Variants in HECW1 observed in about 807,000 individuals in gnomAD.
HECW1 encodes E3 ubiquitin-protein ligase HECW1.
HECW1 carries 61 observed loss-of-function variants against 182.3 expected under a neutral mutation model. The observed-to-expected ratio is 0.33, with a 90% CI of 0.27 to 0.41. The LOEUF is 0.41. HECW1 is among the 10% of genes least tolerant of loss of function. The pLI, the probability that HECW1 is intolerant of heterozygous loss-of-function variation, is 1.00. For synonymous variants in HECW1, 859 were observed against 832.6 expected, an observed-to-expected ratio of 1.03 and a Z score of -0.55; for missense variants, 1,739 against 2,108.9, an observed-to-expected ratio of 0.82 and a Z score of 3.44.
At chr7:43,479,262 C>T (rs1288854605) in intron 16 of HECW1, among the ~76,000 whole-genome samples, 1 of 152,126 alleles carries the variant, frequency 6.6e-6, no homozygotes. Context: ...GACAGATCAT[C>T]AGGCATTAGA....
chr7:43,207,032 C>T (rs901594821), intron 2 of HECW1, among the ~76,000 whole-genome samples: 4 of 152,050 alleles, frequency 2.6e-5, no homozygotes, highest in Non-Finnish European at 5.9e-5. Flanking sequence ...GCCTAATTGC[C>T]ATTACCTTTT....
intron 17 of HECW1, among the ~76,000 whole-genome samples, chr7:43,491,680 C>T (rs917701364): frequency 5.3e-5 from 8 of 152,280 alleles, no homozygotes; most frequent in East Asian, 1.9e-4. Flanking sequence ...GCAACCCCTA[C>T]CTCCCAGGTT....
At chr7:43,521,241 G>GT (rs2080459252) in intron 24 of HECW1, among the ~76,000 whole-genome samples, 1 of 152,200 alleles carries the variant, frequency 6.6e-6, no homozygotes, top group Non-Finnish European at 1.5e-5. Flanking sequence ...ATGAATGGGA[G>GT]TAAGGCCCTT....
At chr7:43,535,564 GA>G (rs1180675270) in intron 24 of HECW1, among the ~76,000 whole-genome samples, 1 of 152,160 alleles carries the variant, frequency 6.6e-6, no homozygotes, top group Admixed American at 6.5e-5. Context: ...GAAGGATAAG[GA>G]TGAAAAACAT....
chr7:43,447,685 G>T (rs977550753), intron 11 of HECW1, among the ~76,000 whole-genome samples: 1 of 152,214 alleles, frequency 6.6e-6, no homozygotes, highest in African/African-American at 2.4e-5. Flanking sequence ...CTTGCCACCA[G>T]GCTTCACAAC....
chr7:43,263,873 CTTAATT>C (rs761874579), intron 3 of HECW1, among the ~76,000 whole-genome samples: 1 of 152,118 alleles, frequency 6.6e-6, no homozygotes, highest in Non-Finnish European at 1.5e-5. Context: ...CTCCTTACCT[CTTAATT>C]TTATTATTTA....
At chr7:43,240,992 GGCTGTGTATA>G (rs1798826685) in intron 2 of HECW1, 1 of 152,328 alleles carries the variant, frequency 6.6e-6, no homozygotes, top group Non-Finnish European at 1.5e-5. Context: ...CAGAGGAACT[GGCTGTGTATA>G]GCTGTGTGTA....
chr7:43,380,894 G>A (rs916962438), intron 6 of HECW1, among the ~76,000 whole-genome samples: 1 of 152,194 alleles, frequency 6.6e-6, no homozygotes, highest in Non-Finnish European at 1.5e-5. Context: ...TTATGCATAT[G>A]ATAATTTTTA....
chr7:43,326,928 A>G (rs938326020), intron 5 of HECW1, among the ~76,000 whole-genome samples: 5 of 152,232 alleles, frequency 3.3e-5, no homozygotes, highest in Admixed American at 1.3e-4. Context: ...CACCAAGACT[A>G]GACACAGGGG....
At chr7:43,383,210 C>A (rs1259153049) in intron 6 of HECW1, among the ~76,000 whole-genome samples, 1 of 152,156 alleles carries the variant, frequency 6.6e-6, no homozygotes, top group African/African-American at 2.4e-5. Context: ...GGTTCCAAGT[C>A]TTTGCTATTG....
intron 7 of HECW1, among the ~76,000 whole-genome samples, chr7:43,401,414 A>C (rs973155768): frequency 1.3e-5 from 2 of 152,204 alleles, no homozygotes; most frequent in Non-Finnish European, 2.9e-5. Context: ...TTTGATGAAG[A>C]AATCAGAACA....
In HECW1 at chr7:43,381,758, A is replaced by G. The variant is rs1254876093; in HGVS notation, c.556-15056A>G. ...AGGCTGGTCGCAAACTCTCGACCTC[A>G]GGTGATCTGCCTGCCTTGGCCTCAC... On this transcript the variant is annotated intron_variant, in intron 6 of 29. Coordinates refer to ENST00000395891, the MANE Select transcript of HECW1 (RefSeq NM_015052.5). 2.0e-5 allele frequency among the ~76,000 whole-genome samples: 3 copies of G among 152,120 alleles called. No individual in the cohort carries two copies. In the East Asian group the frequency reaches 5.8e-4, roughly 29 times the overall value.
chr7:43,115,735 C>T (rs1784991780), intron 2 of HECW1, among the ~76,000 whole-genome samples: 2 of 152,198 alleles, frequency 1.3e-5, no homozygotes, highest in African/African-American at 4.8e-5. Context: ...GTTGTGCACT[C>T]ATTTGTTTTA....
At chr7:43,334,559 C>G (rs567044430) in intron 5 of HECW1, among the ~76,000 whole-genome samples, 1 of 152,304 alleles carries the variant, frequency 6.6e-6, no homozygotes, top group African/African-American at 2.4e-5. Context: ...TCTCTCTAAG[C>G]AAAACCAGAG....
intron 5 of HECW1, among the ~76,000 whole-genome samples, chr7:43,360,011 A>G (rs1318118994): frequency 6.6e-6 from 1 of 152,198 alleles, no homozygotes. Context: ...TCATCACATC[A>G]TCACAATCAC....
In HECW1 at chr7:43,147,274, C is replaced by T. The variant is rs1454178001; in HGVS notation, c.-32+32883C>T. ...TTTTTTAACAGCACTCCAGGCTAAG[C>T]ATCTTGCATTACAGTAAATAATTGA... On this transcript the variant is annotated intron_variant, in intron 2 of 29. Transcript: ENST00000395891. Among the ~76,000 whole-genome samples, 32 of 151,792 alleles carry T rather than the reference C, an allele frequency of 2.1e-4. 1 individual carries two copies. Among genetic ancestry groups the T allele is most frequent in the Non-Finnish European group, 4.4e-5 (3 of 67,982 alleles).
At position 43,554,575 on chromosome 7, in the gene HECW1, C is replaced by T; in HGVS notation, c.4511-17C>T. 2 of 1,605,318 alleles carry T rather than the reference C, an allele frequency of 1.2e-6. No individual in the cohort carries two copies. The highest frequency in any genetic ancestry group is 1.7e-6 in the Non-Finnish European group (2 of 1,174,514). Reference sequence around the variant, plus strand: ...TTCTCCACATCCTGTCTTCCTCCCTCCCTTTGCCTCGTGCAGGTTACCACG... The same window carrying T: ...TTCTCCACATCCTGTCTTCCTCCCTTCCTTTGCCTCGTGCAGGTTACCACG... On this transcript the variant is annotated splice_polypyrimidine_tract_variant and intron_variant, in intron 28 of 29. Transcript: ENST00000395891.
rs1554410947 is a variant in HECW1 at position 43,430,779 on chromosome 7, T to TTTATTATTGTTATTATTATTA, written c.802-7216_802-7215insGTTATTATTATTATTATTATT. On this transcript the variant is annotated intron_variant, in intron 8 of 29. Transcript: ENST00000395891. ...ACTGTGGCCTCCATTTTTATTTTTCTTTATTATTATTATTATTATTGAGAT... is the reference window on the plus strand; with the variant it reads ...ACTGTGGCCTCCATTTTTATTTTTCTTTATTATTGTTATTATTATTATTATTATTATTATTATTATTGAGAT... Among the ~76,000 whole-genome samples, 22 of 141,736 alleles carry TTTATTATTGTTATTATTATTA rather than the reference T, an allele frequency of 1.6e-4. No individual in the cohort carries two copies. The South Asian group carries it at 5.1e-3, about 33-fold the overall frequency. The allele number at this position is 141,736 out of a possible 152,430, so 93.0% of individuals were successfully genotyped here.
intron 3 of HECW1, among the ~76,000 whole-genome samples, chr7:43,303,882 G>C (rs965276163): frequency 2.6e-5 from 4 of 152,068 alleles, no homozygotes; most frequent in Admixed American, 1.3e-4. Context: ...TTCCCAAGCA[G>C]AGGTACAAAT....
Sources: allele counts gnomAD v4.1 joint callset (sites outside exome capture counted in the v4.1 genomes callset), GRCh38; gene constraint gnomAD v4.1.1; transcripts MANE v1.5; gene names NCBI Gene and HGNC (gene_info 2026-07-23, HGNC 2026-07-21).